The following DLGAP2 variants were observed in gnomAD, a reference collection of about 807,000 sequenced individuals.
DLGAP2 encodes the protein disks large-associated protein 2.
DLGAP2 carries 26 observed loss-of-function variants against 100.3 expected under a neutral mutation model. The ratio of observed to expected loss-of-function variants is 0.26; its 90% CI spans 0.19 to 0.36. The LOEUF is 0.36. DLGAP2 is among the 10% of genes least tolerant of loss of function. The pLI is 1.00. For synonymous variants in DLGAP2, 886 were observed against 630.1 expected (o/e 1.41, Z -6.08); for missense variants, 1,858 against 1,453.2 (o/e 1.28, Z -4.53).
At chr8:1,124,006 G>A (rs1229379376) in intron 2 of DLGAP2, among the ~76,000 whole-genome samples, 1 of 146,346 alleles carries the variant, frequency 6.8e-6, no homozygotes, top group South Asian at 2.2e-4. Context: ...GGAAGTGAGA[G>A]CGTGGTATTC....
At chr8:1,621,361 C>G (rs994026684) in intron 6 of DLGAP2, 3 of 152,264 alleles carry the variant, frequency 2.0e-5, no homozygotes, top group African/African-American at 7.3e-5. Flanking sequence ...GTCAGCTACA[C>G]GAGGACCAGG....
chr8:1,120,367 A>G (rs747242609), intron 2 of DLGAP2, among the ~76,000 whole-genome samples: 2 of 152,180 alleles, frequency 1.3e-5, no homozygotes, highest in African/African-American at 2.4e-5. Context: ...ACCCCTTCAG[A>G]ATTTGTGAAC....
chr8:1,095,564 G>A lies in DLGAP2; in HGVS notation c.74-163287G>A, dbSNP rs190531979. 5.3e-5 allele frequency among the ~76,000 whole-genome samples: 8 copies of A among 152,282 alleles called. No individual in the cohort carries two copies. The East Asian group carries it at 9.7e-4, about 18-fold the overall frequency. ...TAGTAATGGGTTAGCAGTGTCCACC[G>A]TCAACACTGTTGTGAGGCTTGGGGG... On this transcript the variant is annotated intron_variant, in intron 2 of 14. Transcript: ENST00000637795.
At chr8:1,603,185 G>T (rs1796683548) in intron 6 of DLGAP2, among the ~76,000 whole-genome samples, 1 of 151,002 alleles carries the variant, frequency 6.6e-6, no homozygotes. Context: ...GGTTAGAGTG[G>T]AGGCTGGGTC....
At chr8:1,459,124 G>A (rs6985336) in intron 3 of DLGAP2, among the ~76,000 whole-genome samples, 5,651 of 42,182 alleles carry the variant, frequency 0.13, 164 homozygotes, top group East Asian at 0.45. Context: ...GTTTACATGC[G>A]TAGACGCCAG....
chr8:1,298,950 G>A (rs1254077865), intron 3 of DLGAP2, among the ~76,000 whole-genome samples: 5 of 152,076 alleles, frequency 3.3e-5, no homozygotes, highest in African/African-American at 1.2e-4. Flanking sequence ...GTCGAGCTGC[G>A]GCATTCACGT....
intron 3 of DLGAP2, chr8:1,369,690 G>A (rs1802191182): frequency 6.6e-6 from 1 of 152,224 alleles, no homozygotes; most frequent in African/African-American, 2.4e-5. Flanking sequence ...CAAATATCTA[G>A]GCTCTTAGGA....
At chr8:1,182,106 C>G (rs1214050710) in intron 2 of DLGAP2, among the ~76,000 whole-genome samples, 1 of 152,254 alleles carries the variant, frequency 6.6e-6, no homozygotes, top group African/African-American at 2.4e-5. Flanking sequence ...CTTCAGCTCA[C>G]AACAGCGTCT....
chr8:1,579,866 C>T (rs543089224), intron 6 of DLGAP2, among the ~76,000 whole-genome samples: 2 of 151,950 alleles, frequency 1.3e-5, no homozygotes, highest in South Asian at 2.1e-4. Context: ...AAGGAAGCCC[C>T]CACCATGCGC....
chr8:1,539,306 C>A (rs553405164), intron 4 of DLGAP2, among the ~76,000 whole-genome samples: 2 of 152,342 alleles, frequency 1.3e-5, no homozygotes, highest in South Asian at 4.1e-4. Flanking sequence ...CGGATGCCTT[C>A]CACATTGAGA....
intron 3 of DLGAP2, among the ~76,000 whole-genome samples, chr8:1,412,164 A>T (rs1412192600): frequency 6.6e-6 from 1 of 152,112 alleles, no homozygotes; most frequent in Non-Finnish European, 1.5e-5. Context: ...TTTTAGCTCC[A>T]GTGCTATGGC....
chr8:1,191,173 ATT>A (rs34977390), intron 2 of DLGAP2, among the ~76,000 whole-genome samples: 29,892 of 140,018 alleles, frequency 0.21, 3,864 homozygotes, highest in Non-Finnish European at 0.32. Context: ...AAGTAGATAC[ATT>A]TTTTTTTTTT....
chr8:1,656,619 C>A (rs1798291127), intron 8 of DLGAP2, among the ~76,000 whole-genome samples: 1 of 152,186 alleles, frequency 6.6e-6, no homozygotes, highest in Non-Finnish European at 1.5e-5. Context: ...TTTTACACAC[C>A]TCTTCCCTGC....
chr8:1,471,827 C>G (rs543047671), intron 3 of DLGAP2, among the ~76,000 whole-genome samples: 42 of 152,270 alleles, frequency 2.8e-4, no homozygotes, highest in African/African-American at 1.0e-3. Context: ...ACATCAAACT[C>G]TCCAAGTCTT....
Position 1,627,000 on chromosome 8 carries a change from G to T in DLGAP2, c.1590+113G>T, listed in dbSNP as rs1797522654. 3.0e-6 allele frequency: 4 copies of T among 1,324,322 alleles called. No individual in the cohort carries two copies. In the South Asian group the frequency reaches 4.2e-5, roughly 14 times the overall value. The allele number at this position is 1,324,322 out of a possible 1,614,324, so 82.0% of individuals were successfully genotyped here. ...GCTGCCCTCCTGGTCAGCAGCACTT[G>T]GGCAAGGCTACACCAAAGGGGGTTC... On this transcript the variant is annotated intron_variant, in intron 7 of 14. Coordinates refer to ENST00000637795, the MANE Select transcript of DLGAP2 (RefSeq NM_001346810.2).
intron 2 of DLGAP2, among the ~76,000 whole-genome samples, chr8:1,085,161 C>A (rs916546651): frequency 6.6e-6 from 1 of 152,200 alleles, no homozygotes; most frequent in African/African-American, 2.4e-5. Flanking sequence ...CAAGTGCCTT[C>A]TTTTGAGAAA....
At chr8:1,251,199 C>G (rs1422771366) in intron 2 of DLGAP2, among the ~76,000 whole-genome samples, 1 of 152,144 alleles carries the variant, frequency 6.6e-6, no homozygotes, top group Non-Finnish European at 1.5e-5. Context: ...TTACTGTCAT[C>G]CTGGGCTTTT....
chr8:1,043,236 G>C (rs111161377), intron 2 of DLGAP2, among the ~76,000 whole-genome samples: 1 of 127,852 alleles, frequency 7.8e-6, no homozygotes, highest in Non-Finnish European at 1.7e-5. Flanking sequence ...GATGTGGGTG[G>C]TGGGTGTGGG....
chr8:1,531,755 G>T (rs1225140687), intron 4 of DLGAP2, among the ~76,000 whole-genome samples: 1 of 151,996 alleles, frequency 6.6e-6, no homozygotes, highest in Admixed American at 6.6e-5. Context: ...ACTAAATTTT[G>T]TTTCTCTCCT....
Sources: gnomAD v4.1 joint callset for allele counts (sites outside exome capture counted in the v4.1 genomes callset) on GRCh38, gnomAD v4.1.1 for gene constraint, MANE v1.5 for transcripts, NCBI Gene and HGNC (gene_info 2026-07-23, HGNC 2026-07-21) for gene names.